The following ANAPC4 variants were observed in gnomAD, a reference collection of about 807,000 sequenced individuals.
ANAPC4 encodes anaphase-promoting complex subunit 4.
Under a neutral mutation model 119.8 loss-of-function variants are expected in ANAPC4, and 63 were observed. The observed-to-expected ratio is 0.53, with a 90% CI of 0.43 to 0.65. ANAPC4 has a LOEUF of 0.65. Among genes scored for constraint, ANAPC4 ranks in the 30% least tolerant of loss-of-function variants. The probability of loss-of-function intolerance (pLI) is 0.00; values close to 1 mark genes in which losing one functional copy is unlikely to be tolerated. For missense variants in ANAPC4, 716 were observed against 945.1 expected (o/e 0.76, Z 3.18); for synonymous variants, 283 against 318.6 (o/e 0.89, Z 1.19).
At chr4:25,382,511 G>A (rs1420630390) in intron 3 of ANAPC4, among the ~76,000 whole-genome samples, 3 of 152,196 alleles carry the variant, frequency 2.0e-5, no homozygotes, top group Non-Finnish European at 4.4e-5. Flanking sequence ...TCACAAAAGT[G>A]TGCGTTAAAA....
chr4:25,400,616 G>T (rs1399126800), intron 16 of ANAPC4, among the ~76,000 whole-genome samples: 1 of 152,192 alleles, frequency 6.6e-6, no homozygotes, highest in African/African-American at 2.4e-5. Context: ...ATGGCTGCAG[G>T]TCTGCTGCAG....
chr4:25,416,480 C>A lies in ANAPC4; in HGVS notation c.1957C>A (p.Leu653Ile). The A allele has an allele frequency of 6.2e-7, 1 of 1,602,608 alleles. No homozygotes were observed. Among genetic ancestry groups the A allele is most frequent in the Non-Finnish European group, 8.5e-7 (1 of 1,172,078 alleles). ...TGATGATGAAACTGTAACAGTAGTT[C>A]TTAAAGACACTGTAGGACGTGAAGG... ...FYDDETVTVV[L>I]KDTVGREGRD... Residue 653 changes from leucine (L) to isoleucine (I), a missense_variant, in exon 27 of 29, where the codon CTT becomes ATT. This residue lies in a region of ANAPC4 where 504 missense variants were observed against 615.8 expected (regional missense o/e 0.82). Transcript: ENST00000315368.
At chr4:25,385,899 A>G (rs915646749) in intron 4 of ANAPC4, among the ~76,000 whole-genome samples, 1 of 152,080 alleles carries the variant, frequency 6.6e-6, no homozygotes, top group Non-Finnish European at 1.5e-5. Flanking sequence ...GAACACTCAC[A>G]TTTCTCCATT....
intron 9 of ANAPC4, among the ~76,000 whole-genome samples, chr4:25,391,695 G>A (rs1722355273): frequency 2.0e-5 from 3 of 152,162 alleles, no homozygotes; most frequent in African/African-American, 7.2e-5. Context: ...AAATATCCCA[G>A]CCACTTAAGT....
In ANAPC4 at chr4:25,414,370, A is replaced by G. The variant is rs771043324; in HGVS notation, c.1670A>G (p.Tyr557Cys). 4 of 1,604,614 alleles carry G rather than the reference A, an allele frequency of 2.5e-6. No homozygotes were observed. Among genetic ancestry groups the G allele is most frequent in the South Asian group, 1.1e-5 (1 of 89,814 alleles). ...SMNQAICIPL[Y>C]RDTRSEDSTR... ...AATCAAGCAATCTGTATTCCATTGT[A>G]TAGAGATACCAGAAGGTAATTCTGT... The change falls in exon 23 of 29, where the codon TAT (tyrosine) becomes TGT (cysteine). Residue 557 changes from tyrosine to cysteine, a missense_variant. Transcript: ENST00000315368.
At position 25,405,317 on chromosome 4, in the gene ANAPC4, G is replaced by A. The variant is rs138309535; in HGVS notation, c.1271-256G>A. Among the ~76,000 whole-genome samples, 40 of 152,152 alleles carry A rather than the reference G, an allele frequency of 2.6e-4. No homozygotes were observed. In the East Asian group the frequency reaches 6.7e-3, roughly 26 times the overall value. On this transcript the variant is annotated intron_variant, in intron 17 of 28. Transcript: ENST00000315368. The surrounding 1 kb of genome is among the most constrained non-coding windows in gnomAD (Gnocchi z 4.6). ...CAGACAGCAGTTAGATTTGTCTGGCGTGGCAACAGGTGGAATTGAAGAGGA... is the reference window on the plus strand; with the variant it reads ...CAGACAGCAGTTAGATTTGTCTGGCATGGCAACAGGTGGAATTGAAGAGGA...
chr4:25,391,008 A>G lies in ANAPC4; in HGVS notation c.698A>G (p.Tyr233Cys). The G allele has an allele frequency of 6.2e-7, 1 of 1,607,504 alleles. No individual in the cohort carries two copies. The highest frequency in any genetic ancestry group is 8.5e-7 in the Non-Finnish European group (1 of 1,174,260). Residue 233 changes from tyrosine to cysteine, a missense_variant, in exon 9 of 29, where the codon TAC (tyrosine) becomes TGC (cysteine). Physicochemically the swap from Tyr to Cys is radical, Grantham distance 194 (BLOSUM62 -2). This residue lies in a region of ANAPC4 where 202 missense variants were observed against 293.5 expected (regional missense o/e 0.69). Transcript: ENST00000315368. ...ACCAATGGTGCTTCAGAAGTTTCAT[A>G]CTTTCAGGTGAGTATTGGAACTTGA... The part of the protein sequence containing the change: ...VSTNGASEVS[Y>C]FQLETNLLYS...
At chr4:25,392,526 G>A (rs537258923) in intron 10 of ANAPC4, 105 bp downstream of exon 10, 5 of 814,668 alleles carry the variant, frequency 6.1e-6, no homozygotes, top group South Asian at 1.7e-5. Context: ...CTGAAGTAGA[G>A]GTATCTAGTC....
intron 18 of ANAPC4, among the ~76,000 whole-genome samples, chr4:25,406,070 C>T (rs752630689): frequency 6.6e-5 from 10 of 152,132 alleles, no homozygotes; most frequent in African/African-American, 2.2e-4. Context: ...GGAAGTCTTA[C>T]GGAATAGGGC....
intron 8 of ANAPC4, among the ~76,000 whole-genome samples, 194 bp downstream of exon 8, chr4:25,390,414 G>A (rs1722282096): frequency 6.6e-6 from 1 of 152,000 alleles, no homozygotes; most frequent in African/African-American, 2.4e-5. Flanking sequence ...AGCTATTTGT[G>A]GAATTAGTCA....
At chr4:25,377,388 T>C (rs1457734509) in intron 1 of ANAPC4, 30 bp from the exon 2 acceptor site, 3 of 1,609,458 alleles carry the variant, frequency 1.9e-6, no homozygotes, top group Non-Finnish European at 2.5e-6. Flanking sequence ...CGGGGGCTCC[T>C]GCCGGCCTCT....
At chr4:25,381,373 A>G (rs1280209136) in intron 3 of ANAPC4, among the ~76,000 whole-genome samples, 1 of 152,058 alleles carries the variant, frequency 6.6e-6, no homozygotes, top group Non-Finnish European at 1.5e-5. Context: ...GGCTCACTGC[A>G]ACCTTGGGCT....
chr4:25,389,991 A>G, intron 7 of ANAPC4, 145 bp from the exon 8 acceptor site: 1 of 519,272 alleles, frequency 1.9e-6, no homozygotes, highest in Non-Finnish European at 3.4e-6. Flanking sequence ...ATTGAGTGTT[A>G]GTGGATTTGA....
chr4:25,401,335 T>C (rs1179273571), intron 16 of ANAPC4, among the ~76,000 whole-genome samples: 1 of 152,170 alleles, frequency 6.6e-6, no homozygotes, highest in Non-Finnish European at 1.5e-5. Context: ...GGAGCTTTGC[T>C]TCAGGATACT....
chr4:25,400,292 G>A (rs1332629462), intron 16 of ANAPC4, among the ~76,000 whole-genome samples: 2 of 151,984 alleles, frequency 1.3e-5, no homozygotes, highest in Non-Finnish European at 2.9e-5. Flanking sequence ...GTGTGAGAGA[G>A]GTGGGACCTA....
At chr4:25,386,677 ATGGCTGC>A (rs1384013953) in intron 4 of ANAPC4, among the ~76,000 whole-genome samples, 1 of 152,246 alleles carries the variant, frequency 6.6e-6, no homozygotes, top group African/African-American at 2.4e-5. Flanking sequence ...ACGTGAGCAC[ATGGCTGC>A]TGGAAAAAGG....
In ANAPC4 at chr4:25,406,857, C is replaced by A. The variant is rs762557146; in HGVS notation, c.1346C>A (p.Ala449Asp). Residue 449 changes from alanine to aspartate, a missense_variant, in exon 19 of 29, where the codon GCT becomes GAT. Transcript: ENST00000315368. The part of the protein sequence containing the change: ...KMTQKDITFV[A>D]EFLTEHFNEA... ...ACTCAGAAAGATATCACATTTGTTG[C>A]TGAATTTCTTACTGAACATTTCAAT... 3 of 1,602,944 alleles carry A rather than the reference C, an allele frequency of 1.9e-6. No homozygotes were observed. Among genetic ancestry groups the A allele is most frequent in the Non-Finnish European group, 2.6e-6 (3 of 1,175,874 alleles).
intron 16 of ANAPC4, among the ~76,000 whole-genome samples, chr4:25,402,474 A>G (rs1392739776): frequency 1.3e-5 from 2 of 152,160 alleles, no homozygotes; most frequent in African/African-American, 4.8e-5. Context: ...TTGAGATCTC[A>G]ATTGTTAGGA....
intron 16 of ANAPC4, among the ~76,000 whole-genome samples, chr4:25,398,805 A>G (rs1005451038): frequency 1.3e-5 from 2 of 152,096 alleles, no homozygotes; most frequent in African/African-American, 4.8e-5. Flanking sequence ...GATTTTCTCA[A>G]TGCTTATCTG....
Sources: gnomAD v4.1 joint callset for allele counts (sites outside exome capture counted in the v4.1 genomes callset) on GRCh38, gnomAD v4.1.1 for gene constraint, gnomAD v4.1.1 regional missense constraint, Gnocchi (gnomAD v3.1) non-coding constraint, MANE v1.5 for transcripts, NCBI Gene and HGNC (gene_info 2026-07-23, HGNC 2026-07-21) for gene names.